BLM: variants seen among roughly 807,000 people sequenced by gnomAD.
BLM encodes the protein recQ-like DNA helicase BLM.
BLM carries 95 observed loss-of-function variants against 135.3 expected under a neutral mutation model. That is an observed-to-expected ratio of 0.70 (90% CI 0.59 to 0.83). The LOEUF is 0.83. Among genes scored for constraint, BLM ranks in the 40% least tolerant of loss-of-function variants. The pLI is 0.00. For synonymous variants in BLM, 520 were observed against 589.2 expected (o/e 0.88, Z 1.70); for missense variants, 1,518 against 1,663.9 (o/e 0.91, Z 1.53).
rs756815062 is a variant in BLM at position 90,769,547 on chromosome 15, A to C, written c.2516A>C (p.Lys839Thr). ...GCCACAGCTAATCCCAGGGTACAGA[A>C]GGACATCCTGACTCAGCTGAAGATT... Reference protein sequence around the residue: ...LTATANPRVQKDILTQLKILR... With the variant: ...LTATANPRVQTDILTQLKILR... Residue 839 changes from lysine (K) to threonine (T), a missense_variant, in exon 12 of 22, where the codon AAG becomes ACG. Lys to Thr is a moderately conservative substitution (Grantham distance 78). This residue lies in a region of BLM where 626 missense variants were observed against 681.1 expected (regional missense o/e 0.92). Transcript: ENST00000355112. 1 of 1,613,992 alleles carries C rather than the reference A, an allele frequency of 6.2e-7. No homozygotes were observed. The highest frequency in any genetic ancestry group is 1.1e-5 in the South Asian group (1 of 91,086).
At chr15:90,764,632 A>G (rs919248323) in intron 8 of BLM, among the ~76,000 whole-genome samples, 2 of 152,180 alleles carry the variant, frequency 1.3e-5, no homozygotes, top group African/African-American at 4.8e-5. Flanking sequence ...TTTATAAATA[A>G]TAAAAGTAAA....
chr15:90,790,890 A>G, intron 15 of BLM, 46 bp downstream of exon 15: 1 of 1,551,194 alleles, frequency 6.4e-7, no homozygotes. Flanking sequence ...CTTCAGCCTC[A>G]TGATAGTAGT....
At position 90,815,045 on chromosome 15, in the gene BLM, G is replaced by GAAC; in HGVS notation, c.4077-57_4077-56insAAC. On this transcript the variant is annotated intron_variant, in intron 21 of 21. Transcript: ENST00000355112. This position sits in a 1 kb window ranked among gnomAD's most constrained non-coding sequence, Gnocchi z 4.6. ...GTAGCTCTGTGCAGGTTGAGAGGAAGGTCATTCATTTTTGGTTTCATTTAA... is the reference window on the plus strand; with the variant it reads ...GTAGCTCTGTGCAGGTTGAGAGGAAGAACGTCATTCATTTTTGGTTTCATTTAA... The GAAC allele has an allele frequency of 1.3e-6, 2 of 1,564,456 alleles. No homozygotes were observed. The highest frequency in any genetic ancestry group is 2.2e-5 in the South Asian group (2 of 89,870).
At position 90,767,028 on chromosome 15, in the gene BLM, G is replaced by C. The variant is rs1596236061; in HGVS notation, c.2307+5G>C. ...CTATATGTCACTCCAGAAAAGGTTT[G>C]TATTTATATCATTATTTTAAAATAT... On this transcript the variant is annotated splice_donor_5th_base_variant and intron_variant, in intron 10 of 21. Coordinates refer to ENST00000355112, the MANE Select transcript of BLM (RefSeq NM_000057.4). 1.4e-6 allele frequency: 2 copies of C among 1,468,256 alleles called. No individual in the cohort carries two copies. Among genetic ancestry groups the C allele is most frequent in the Non-Finnish European group, 1.9e-6 (2 of 1,055,146 alleles). The allele number at this position is 1,468,256 out of a possible 1,614,324, so 91.0% of individuals were successfully genotyped here. A position where few individuals can be genotyped will look rare whatever the true frequency, so the allele number is the denominator to read the frequency against.
intron 20 of BLM, among the ~76,000 whole-genome samples, chr15:90,810,016 G>A (rs1274469639): frequency 6.6e-6 from 1 of 151,874 alleles, no homozygotes; most frequent in Non-Finnish European, 1.5e-5. Flanking sequence ...GTCTTCCCAA[G>A]GATGATGGAA....
rs1596228957 is a variant in BLM at position 90,760,230 on chromosome 15, C to CTGAAACTT, written c.1173_1180dup (p.Leu394Ter). The CTGAAACTT allele has an allele frequency of 6.2e-7, 1 of 1,613,896 alleles. No homozygotes were observed. Among genetic ancestry groups the CTGAAACTT allele is most frequent in the Non-Finnish European group, 8.5e-7 (1 of 1,179,966 alleles). On this transcript the variant is annotated frameshift_variant, in exon 6 of 22. Transcript: ENST00000355112. LOFTEE classifies it high-confidence loss of function. The stretch of plus-strand genomic sequence containing the variant: ...AATTGATACTATTCCTGATGATAAA[C>CTGAAACTT]TGAAACTTTTGGATTGTGGGAACGA...
chr15:90,797,414 C>CAAAAAAAAAA (rs56369282), intron 16 of BLM, among the ~76,000 whole-genome samples: 55 of 109,592 alleles, frequency 5.0e-4, no homozygotes, highest in African/African-American at 1.8e-3. Flanking sequence ...AACTCCATCT[C>CAAAAAAAAAA]AAAAAAAAAA....
At position 90,755,006 on chromosome 15, in the gene BLM, G is replaced by C. The variant is rs1405579874; in HGVS notation, c.1087+68G>C. 5 of 1,570,028 alleles carry C rather than the reference G, an allele frequency of 3.2e-6. No individual in the cohort carries two copies. The Admixed American group carries it at 6.8e-5, about 21-fold the overall frequency. On this transcript the variant is annotated intron_variant, in intron 5 of 21. Transcript: ENST00000355112. ...ACTTTTGAAAACAACGTAACACAAAGATTGTGTTTTGAACCTGTGGCTGTA... is the reference window on the plus strand; with the variant it reads ...ACTTTTGAAAACAACGTAACACAAACATTGTGTTTTGAACCTGTGGCTGTA...
chr15:90,774,615 C>T (rs1434796949), intron 12 of BLM, among the ~76,000 whole-genome samples: 2 of 151,072 alleles, frequency 1.3e-5, no homozygotes, highest in Non-Finnish European at 2.9e-5. Context: ...GGGTGGATCA[C>T]CTGAGGTCAG....
At chr15:90,795,427 C>T (rs1897006503) in intron 16 of BLM, among the ~76,000 whole-genome samples, 1 of 152,064 alleles carries the variant, frequency 6.6e-6, no homozygotes, top group African/African-American at 2.4e-5. Context: ...CTGCAGTGAG[C>T]CAAGATCATG....
At chr15:90,749,306 G>T (rs1240938461) in intron 2 of BLM, 61 bp from the exon 3 acceptor site, 1 of 1,285,674 alleles carries the variant, frequency 7.8e-7, no homozygotes, top group African/African-American at 1.5e-5. Flanking sequence ...AATTAGTTTT[G>T]TAGAGTTGGG....
At chr15:90,735,235 TAATATATA>T (rs1250050932) in intron 1 of BLM, among the ~76,000 whole-genome samples, 1 of 56,346 alleles carries the variant, frequency 1.8e-5, no homozygotes, top group Non-Finnish European at 3.3e-5. Flanking sequence ...GTGCCTAAGT[TAATATATA>T]TATATATATA....
chr15:90,790,388 G>T, intron 14 of BLM: 1 of 482,002 alleles, frequency 2.1e-6, no homozygotes, highest in Non-Finnish European at 3.8e-6. Flanking sequence ...TCTCTTACAT[G>T]AGAATGCCAA....
chr15:90,779,432 G>A lies in BLM; in HGVS notation c.2556-3390G>A, dbSNP rs565294334. ...GCCCAGTCACCATAGCATTCCTATC[G>A]GTGGAGAGACTCATGCACCGTTTCC... On this transcript the variant is annotated intron_variant, in intron 12 of 21. Coordinates refer to ENST00000355112, the MANE Select transcript of BLM (RefSeq NM_000057.4). Among the ~76,000 whole-genome samples, 7 of 152,124 alleles carry A rather than the reference G, an allele frequency of 4.6e-5. No homozygotes were observed. The South Asian group carries it at 8.3e-4, about 18-fold the overall frequency.
intron 4 of BLM, among the ~76,000 whole-genome samples, chr15:90,753,930 GT>G (rs1895751650): frequency 6.6e-6 from 1 of 152,106 alleles, no homozygotes; most frequent in Non-Finnish European, 1.5e-5. Flanking sequence ...TAATTATAAT[GT>G]TATTGTTTAA....
At chr15:90,774,226 T>A (rs1296914719) in intron 12 of BLM, among the ~76,000 whole-genome samples, 3 of 151,478 alleles carry the variant, frequency 2.0e-5, no homozygotes, top group South Asian at 4.2e-4. Flanking sequence ...TTTTGTATTT[T>A]TGTATTTTTC....
chr15:90,794,388 A>G, intron 16 of BLM, 31 bp downstream of exon 16: 2 of 1,468,772 alleles, frequency 1.4e-6, no homozygotes, highest in Non-Finnish European at 1.8e-6. Context: ...ATTCTTTATA[A>G]TTAAATTTTT....
At position 90,769,187 on chromosome 15, in the gene BLM, C is replaced by A. The variant is rs149754073; in HGVS notation, c.2362C>A (p.Leu788Ile). The change falls in exon 11 of 22, where the codon CTC (leucine) becomes ATC (isoleucine). Residue 788 changes from leucine (L) to isoleucine (I), a missense_variant. Physicochemically the swap from Leu to Ile is conservative, Grantham distance 5. This residue lies in a region of BLM where 626 missense variants were observed against 681.1 expected (regional missense o/e 0.92). Coordinates refer to ENST00000355112, the MANE Select transcript of BLM (RefSeq NM_000057.4). Reference protein sequence around the residue: ...STLENLYERKLLARFVIDEAH... With the variant: ...STLENLYERKILARFVIDEAH... ...TCTGGAGAATCTCTATGAGAGGAAGCTCTTGGCACGTTTTGTTATTGATGA... is the reference window on the plus strand; with the variant it reads ...TCTGGAGAATCTCTATGAGAGGAAGATCTTGGCACGTTTTGTTATTGATGA... 5.2e-4 allele frequency: 832 copies of A among 1,613,836 alleles called. 2 individuals are homozygous for A. The highest frequency in any genetic ancestry group is 3.6e-4 in the Non-Finnish European group (425 of 1,179,824).
intron 20 of BLM, among the ~76,000 whole-genome samples, chr15:90,810,203 C>A (rs1333047941): frequency 6.6e-6 from 1 of 151,966 alleles, no homozygotes; most frequent in African/African-American, 2.4e-5. Context: ...CAGGCATGCA[C>A]CACCACACCT....
Sources: allele counts gnomAD v4.1 joint callset (sites outside exome capture counted in the v4.1 genomes callset), GRCh38; gene constraint gnomAD v4.1.1; regional missense constraint gnomAD v4.1.1; non-coding constraint Gnocchi (gnomAD v3.1); transcripts MANE v1.5; gene names NCBI Gene and HGNC (gene_info 2026-07-23, HGNC 2026-07-21).